The following EXOSC10 variants were observed in gnomAD, a reference collection of about 807,000 sequenced individuals.
EXOSC10 encodes exosome complex component 10.
A neutral mutation model predicts 126.6 loss-of-function variants in EXOSC10; 94 were observed. The observed-to-expected ratio is 0.74, with a 90% confidence interval of 0.63 to 0.88. The LOEUF (loss-of-function observed/expected upper bound fraction) is 0.88. EXOSC10 is among the 40% of genes least tolerant of loss of function. The pLI is 0.00. For synonymous variants in EXOSC10, 395 were observed against 400.8 expected, an observed-to-expected ratio of 0.99 and a Z score of 0.17; for missense variants, 1,041 against 1,100.5, an observed-to-expected ratio of 0.95 and a Z score of 0.77.
At chr1:11,072,482 G>C (rs1570792867) in intron 19 of EXOSC10, 1 of 267,038 alleles carries the variant, frequency 3.7e-6, no homozygotes, top group Non-Finnish European at 7.2e-6. Flanking sequence ...GACTCCGGGA[G>C]AGTAAATAAC....
At chr1:11,078,630 G>T (rs186480456) in intron 14 of EXOSC10, among the ~76,000 whole-genome samples, 1 of 152,208 alleles carries the variant, frequency 6.6e-6, no homozygotes, top group East Asian at 1.9e-4. Flanking sequence ...CATTTGCTAC[G>T]AAGTCTCATC....
intron 13 of EXOSC10, 79 bp downstream of exon 13, chr1:11,080,420 G>C: frequency 6.4e-7 from 1 of 1,562,104 alleles, no homozygotes; most frequent in East Asian, 2.2e-5. Flanking sequence ...TTGGGTAATA[G>C]CAACCAGAAA....
In EXOSC10 at chr1:11,080,754, A is replaced by G. The variant is rs949753697; in HGVS notation, c.1586+10T>C. 4 of 1,614,026 alleles carry G rather than the reference A, an allele frequency of 2.5e-6. No homozygotes were observed. Among genetic ancestry groups the G allele is most frequent in the Admixed American group, 1.7e-5 (1 of 59,984 alleles). The stretch of plus-strand genomic sequence containing the variant: ...GGAAACAAGTATTAAAAGAACCTCT[A>G]ATCCCTTACCCGTAACTTTCATCTT... On this transcript the variant is annotated intron_variant, in intron 12 of 24. Coordinates refer to ENST00000376936, the MANE Select transcript of EXOSC10 (RefSeq NM_001001998.3).
At position 11,098,086 on chromosome 1, in the gene EXOSC10, T is replaced by C. The variant is rs139579131; in HGVS notation, c.182A>G (p.Asp61Gly). The C allele has an allele frequency of 2.6e-4, 417 of 1,612,334 alleles. 7 individuals are homozygous for C. In the East Asian group the frequency reaches 9.1e-3, roughly 35 times the overall value. ...GGLPQFGDEY[D>G]FYRSFPGFQA... The stretch of plus-strand genomic sequence containing the variant: ...GAAGCCAGGAAAACTTCGGTAAAAA[T>C]CATACTCATCGCCAAACTGTGGTAG... Residue 61 changes from aspartate to glycine, a missense_variant, in exon 2 of 25, where the codon GAT (aspartate) becomes GGT (glycine). By Grantham distance (94) the Asp-to-Gly change is moderately conservative. This residue lies in a region of EXOSC10 where 645 missense variants were observed against 656.3 expected (regional missense o/e 0.98). Transcript: ENST00000376936.
At chr1:11,080,656 T>G in intron 12 of EXOSC10, 107 bp from the exon 13 acceptor site, 1 of 1,602,016 alleles carries the variant, frequency 6.2e-7, no homozygotes, top group Non-Finnish European at 8.5e-7. Context: ...TGCTGTCACA[T>G]AGGGGAAATA....
At position 11,069,705 on chromosome 1, in the gene EXOSC10, T is replaced by C. The variant is rs773225231; in HGVS notation, c.2342A>G (p.Glu781Gly). The C allele has an allele frequency of 6.2e-7, 1 of 1,613,588 alleles. No individual in the cohort carries two copies. The highest frequency in any genetic ancestry group is 8.5e-7 in the Non-Finnish European group (1 of 1,179,850). ...VVLENAAKKR[E>G]RATSDPRTTE... ...GGTCCTTGGGTCGCTTGTTGCTCGC[T>C]CTCTCTTCTTTGCAGCATTTTCTAG... The change falls in exon 22 of 25, where the codon GAG becomes GGG. Residue 781 changes from glutamate (E) to glycine (G), a missense_variant. By Grantham distance (98) the Glu-to-Gly change is moderately conservative (BLOSUM62 -2). Coordinates refer to ENST00000376936, the MANE Select transcript of EXOSC10 (RefSeq NM_001001998.3).
At chr1:11,099,058 C>A (rs764553919) in intron 1 of EXOSC10, among the ~76,000 whole-genome samples, 1 of 152,138 alleles carries the variant, frequency 6.6e-6, no homozygotes, top group Non-Finnish European at 1.5e-5. Flanking sequence ...AGATAAGATA[C>A]AACGTTAGTG....
chr1:11,082,876 G>A lies in EXOSC10; in HGVS notation c.1092C>T (p.Val364=), dbSNP rs746534602. 1.8e-5 allele frequency: 29 copies of A among 1,613,788 alleles called. No individual in the cohort carries two copies. In the Admixed American group the frequency reaches 3.8e-4, roughly 21 times the overall value. The change falls in exon 10 of 25, where the codon GTC becomes GTT. Residue 364 remains valine, a splice_region_variant and synonymous_variant. Coordinates refer to ENST00000376936, the MANE Select transcript of EXOSC10 (RefSeq NM_001001998.3). ...ESLTDPAIVK[V]FHGADSDIEW... ...CTATGTCTGAATCAGCACCATGAAA[G>A]ACCTGAAAACAGAACCAAAGTCATG...
At chr1:11,090,936 G>A in intron 5 of EXOSC10, 78 bp downstream of exon 5, 3 of 1,470,444 alleles carry the variant, frequency 2.0e-6, no homozygotes, top group South Asian at 1.3e-5. Context: ...GAACAAAGAA[G>A]AGAGACCTGT....
At chr1:11,080,605 C>CAT (rs1640107790) in intron 12 of EXOSC10, 56 bp from the exon 13 acceptor site, 1 of 1,395,804 alleles carries the variant, frequency 7.2e-7, no homozygotes, top group Non-Finnish European at 9.4e-7. Context: ...CACACACACA[C>CAT]GGTGGGGACA....
At chr1:11,077,288 G>A (rs1430577540) in intron 16 of EXOSC10, 77 bp downstream of exon 16, 7 of 1,477,616 alleles carry the variant, frequency 4.7e-6, no homozygotes, top group African/African-American at 1.4e-5. Flanking sequence ...ACCACGCCCG[G>A]CCAAGCCTAC....
intron 13 of EXOSC10, 24 bp from the exon 14 acceptor site, chr1:11,079,846 CA>C (rs761809381): frequency 6.4e-7 from 1 of 1,562,186 alleles, no homozygotes; most frequent in African/African-American, 1.4e-5. Context: ...AGAACACACT[CA>C]ACTTGTCACT....
chr1:11,095,763 T>C lies in EXOSC10; in HGVS notation c.367A>G (p.Arg123Gly). 5 of 1,613,846 alleles carry C rather than the reference T, an allele frequency of 3.1e-6. No individual in the cohort carries two copies. The highest frequency in any genetic ancestry group is 4.2e-6 in the Non-Finnish European group (5 of 1,179,798). Reference protein sequence around the residue: ...LVDANDVILERVGILLDEASG... With the variant: ...LVDANDVILEGVGILLDEASG... ...GAGTAAGGGAAAATACTCACCACTC[T>C]CTCCAGAATTACATCATTGGCATCA... Residue 123 changes from arginine (R) to glycine (G), a missense_variant, in exon 3 of 25, where the codon AGA becomes GGA. By Grantham distance (125) the Arg-to-Gly change is moderately radical (BLOSUM62 -2). This residue lies in a region of EXOSC10 where 645 missense variants were observed against 656.3 expected (regional missense o/e 0.98). Coordinates refer to ENST00000376936, the MANE Select transcript of EXOSC10 (RefSeq NM_001001998.3).
At chr1:11,091,420 G>T in intron 4 of EXOSC10, 73 bp downstream of exon 4, 1 of 1,282,126 alleles carries the variant, frequency 7.8e-7, no homozygotes, top group Non-Finnish European at 1.1e-6. Flanking sequence ...GAACAGAAAT[G>T]CATGTTAGAA....
chr1:11,081,059 G>A (rs777844561), intron 11 of EXOSC10, 23 bp downstream of exon 11: 3 of 1,613,240 alleles, frequency 1.9e-6, no homozygotes, highest in Non-Finnish European at 2.5e-6. Context: ...GTCGCGGTCT[G>A]TGTGACTGCG....
rs575708518 is a variant in EXOSC10 at position 11,080,110 on chromosome 1, A to G, written c.1638-288T>C. Reference sequence around the variant, plus strand: ...ATTCTCAATTCCGCAGGGGGCAACCAACGGGCTGTGGATTTTCATTCTTGC... The same window carrying G: ...ATTCTCAATTCCGCAGGGGGCAACCGACGGGCTGTGGATTTTCATTCTTGC... On this transcript the variant is annotated intron_variant, in intron 13 of 24. Coordinates refer to ENST00000376936, the MANE Select transcript of EXOSC10 (RefSeq NM_001001998.3). Among the ~76,000 whole-genome samples the G allele has an allele frequency of 1.4e-4, 21 of 152,370 alleles. No individual in the cohort carries two copies. In the East Asian group the frequency reaches 3.3e-3, roughly 24 times the overall value.
intron 10 of EXOSC10, among the ~76,000 whole-genome samples, chr1:11,081,821 G>A (rs1379150143): frequency 2.6e-5 from 4 of 151,900 alleles, no homozygotes; most frequent in Non-Finnish European, 5.9e-5. Flanking sequence ...GGTGGCTCAC[G>A]CCTGTAATCC....
intron 22 of EXOSC10, chr1:11,068,957 A>G: frequency 3.6e-6 from 2 of 552,162 alleles, no homozygotes; most frequent in Non-Finnish European, 6.5e-6. Flanking sequence ...AGGTGGCTAC[A>G]GCAGTGGCCC....
intron 20 of EXOSC10, 51 bp downstream of exon 20, chr1:11,072,036 G>A (rs944905293): frequency 2.0e-6 from 3 of 1,466,452 alleles, no homozygotes; most frequent in Non-Finnish European, 9.5e-7. Context: ...CAGCGGGTGT[G>A]CAACAGCCAT....
Sources: gnomAD v4.1 joint callset for allele counts (sites outside exome capture counted in the v4.1 genomes callset) on GRCh38, gnomAD v4.1.1 for gene constraint, gnomAD v4.1.1 regional missense constraint, MANE v1.5 for transcripts, NCBI Gene and HGNC (gene_info 2026-07-23, HGNC 2026-07-21) for gene names.